The following TLCD3B variants were observed in gnomAD, a reference collection of about 807,000 sequenced individuals.
TLCD3B encodes ceramide synthase.
A neutral mutation model predicts 23.0 loss-of-function variants in TLCD3B; 9 were observed. The ratio of observed to expected loss-of-function variants is 0.39; its 90% CI spans 0.24 to 0.68. TLCD3B has a LOEUF of 0.68. Among genes scored for constraint, TLCD3B ranks in the 30% least tolerant of loss-of-function variants. The probability of loss-of-function intolerance (pLI) is 0.44; values close to 1 mark genes in which losing one functional copy is unlikely to be tolerated. For missense variants in TLCD3B, 307 were observed against 371.8 expected (o/e 0.83, Z 1.43); for synonymous variants, 161 against 161.0 (o/e 1.00, Z 0.00).
upstream of TLCD3B, among the ~76,000 whole-genome samples, chr16:30,034,944 C>T (rs1169404073): frequency 6.7e-6 from 1 of 148,794 alleles, no homozygotes. Context: ...CAGAGTCTCA[C>T]TCTGTCACCT....
chr16:30,029,341 C>G lies in TLCD3B; in HGVS notation c.209+91G>C, dbSNP rs868217902. On this transcript the variant is annotated intron_variant, in intron 2 of 4. Coordinates refer to ENST00000380495, the MANE Select transcript of TLCD3B (RefSeq NM_031478.6). The surrounding 1 kb of genome is among the most constrained non-coding windows in gnomAD (Gnocchi z 4.6). ...AAGTTAAGGGCTTGGGGACCACAGA[C>G]AGAGTTCCCTCCAAGATGTGGGGTC... 1.9e-4 allele frequency: 219 copies of G among 1,177,220 alleles called. 3 individuals carry two copies. In the Middle Eastern group the frequency reaches 7.2e-3, roughly 39 times the overall value. 72.9% of individuals were successfully genotyped at this position (1,177,220 alleles called of 1,614,324 possible).
chr16:30,040,147 A>AAATATATATATATATATATATATAT, intron 3 of TLCD3B, among the ~76,000 whole-genome samples: 3 of 95,898 alleles, frequency 3.1e-5, no homozygotes, highest in African/African-American at 1.3e-4. Context: ...AAAAAAAAAA[A>AAATATATATATATATATATATATAT]ATATATATAT....
intron 2 of TLCD3B, among the ~76,000 whole-genome samples, chr16:30,028,777 G>A (rs2071255605): frequency 6.6e-6 from 1 of 152,136 alleles, no homozygotes; most frequent in South Asian, 2.1e-4. Flanking sequence ...CACCTCTAAG[G>A]CAACTTGCAA....
chr16:30,047,426 A>G (rs1006439509), intron 1 of TLCD3B, among the ~76,000 whole-genome samples: 3 of 152,052 alleles, frequency 2.0e-5, no homozygotes, highest in Non-Finnish European at 4.4e-5. Context: ...GGTTCAAGCA[A>G]TTCTCCTGCC....
intron 1 of TLCD3B, among the ~76,000 whole-genome samples, chr16:30,050,950 G>A (rs2071739923): frequency 1.3e-5 from 2 of 152,312 alleles, no homozygotes; most frequent in South Asian, 2.1e-4. Context: ...GCGTGCATGT[G>A]TGGGTGTGTG....
At chr16:30,044,951 G>A (rs2071637329) in intron 2 of TLCD3B, among the ~76,000 whole-genome samples, 1 of 151,752 alleles carries the variant, frequency 6.6e-6, no homozygotes. Flanking sequence ...AAATTAGCCG[G>A]GCGTGGTGGC....
At position 30,026,708 on chromosome 16, in the gene TLCD3B, C is replaced by G. The variant is rs146159239; in HGVS notation, c.345G>C (p.Pro115=). 6.2e-6 allele frequency: 10 copies of G among 1,613,842 alleles called. No homozygotes were observed. The highest frequency in any genetic ancestry group is 8.5e-6 in the Non-Finnish European group (10 of 1,180,030). The change falls in exon 3 of 5, where the codon CCG becomes CCC. Residue 115 remains proline (P), a synonymous_variant. Transcript: ENST00000380495. ...HGGDDGAARA[P]GSTWAIARGY... ...CACGCGCTATGGCCCACGTGCTGCC[C>G]GGGGCTCTGGCCGCTCCGTCGTCCC...
upstream of TLCD3B, among the ~76,000 whole-genome samples, chr16:30,032,321 C>G (rs917758540): frequency 6.6e-6 from 1 of 152,178 alleles, no homozygotes; most frequent in African/African-American, 2.4e-5. Flanking sequence ...GTTCAATAGT[C>G]AACCCTATGG....
chr16:30,026,302 C>A (rs143199746), intron 3 of TLCD3B, among the ~76,000 whole-genome samples: 1 of 152,152 alleles, frequency 6.6e-6, no homozygotes, highest in Non-Finnish European at 1.5e-5. Flanking sequence ...GCATCCCTCT[C>A]ACGGTCCTGC....
At chr16:30,038,847 A>G (rs949671803) in intron 3 of TLCD3B, among the ~76,000 whole-genome samples, 3 of 152,182 alleles carry the variant, frequency 2.0e-5, no homozygotes, top group African/African-American at 7.2e-5. Flanking sequence ...TGTTTTACAG[A>G]TCAGAAAACA....
upstream of TLCD3B, among the ~76,000 whole-genome samples, chr16:30,035,700 T>A (rs2071455590): frequency 6.6e-6 from 1 of 152,118 alleles, no homozygotes; most frequent in African/African-American, 2.4e-5. Flanking sequence ...ATCCTAATTA[T>A]CCCAATTTTT....
intron 2 of TLCD3B, among the ~76,000 whole-genome samples, chr16:30,044,060 G>A (rs1480178666): frequency 6.8e-6 from 1 of 146,038 alleles, no homozygotes; most frequent in Non-Finnish European, 1.5e-5. Context: ...GCAGTGGTGC[G>A]ATCTCAGCTC....
chr16:30,035,175 G>A, upstream of TLCD3B: 2 of 621,728 alleles, frequency 3.2e-6, no homozygotes, highest in Non-Finnish European at 2.4e-6. Flanking sequence ...GCTTCCCAAA[G>A]TGCTGGAATT....
rs976637942 is a variant in TLCD3B at position 30,024,431 on chromosome 16, G to A, written c.*752C>T. ...ACTTGGTGGCAAGGGCCTTGGTGGC[G>A]TTCACGCAGATCGTCTTTTATTAGC... On this transcript the variant is annotated 3_prime_UTR_variant, in exon 5 of 5. Coordinates refer to ENST00000380495, the MANE Select transcript of TLCD3B (RefSeq NM_031478.6). The A allele has an allele frequency of 1.1e-5, 8 of 697,758 alleles. No individual in the cohort carries two copies. Among genetic ancestry groups the A allele is most frequent in the South Asian group, 9.9e-5 (5 of 50,750 alleles). The allele number at this position is 697,758 out of a possible 1,614,324, so 43.2% of individuals were successfully genotyped here.
upstream of TLCD3B, among the ~76,000 whole-genome samples, chr16:30,034,603 C>A (rs1040623956): frequency 1.3e-5 from 2 of 151,974 alleles, no homozygotes; most frequent in African/African-American, 4.8e-5. Context: ...ATCATAACTC[C>A]GAAAATATTG....
intron 3 of TLCD3B, among the ~76,000 whole-genome samples, chr16:30,037,634 G>A (rs982456918): frequency 6.6e-5 from 10 of 152,014 alleles, no homozygotes; most frequent in African/African-American, 1.9e-4. Context: ...AGGATGAGGC[G>A]AAAGAATGGA....
At chr16:30,036,607 A>C (rs1293975623) in intron 3 of TLCD3B, 1 of 343,910 alleles carries the variant, frequency 2.9e-6, no homozygotes, top group African/African-American at 2.2e-5. Context: ...AGTGGCTAGA[A>C]GGTGCCATCC....
At chr16:30,034,813 TG>T (rs773468568), upstream of TLCD3B, among the ~76,000 whole-genome samples, 34 of 152,020 alleles carry the variant, frequency 2.2e-4, no homozygotes, top group Non-Finnish European at 4.4e-4. Flanking sequence ...GAAAGGAAAG[TG>T]GGGTGTTATT....
At chr16:30,049,209 G>A (rs2071715377) in intron 1 of TLCD3B, among the ~76,000 whole-genome samples, 1 of 152,220 alleles carries the variant, frequency 6.6e-6, no homozygotes, top group African/African-American at 2.4e-5. Context: ...GTTGACACCA[G>A]CTCTAGCTCA....
Sources: allele counts gnomAD v4.1 joint callset (sites outside exome capture counted in the v4.1 genomes callset), GRCh38; gene constraint gnomAD v4.1.1; non-coding constraint Gnocchi (gnomAD v3.1); transcripts MANE v1.5; gene names NCBI Gene and HGNC (gene_info 2026-07-23, HGNC 2026-07-21).